Variants in ST18 observed in about 807,000 individuals in gnomAD.
The protein encoded by ST18 is suppression of tumorigenicity 18 protein.
In ST18, 50 loss-of-function variants were observed where a neutral mutation model predicts 110.0. That is an observed-to-expected ratio of 0.45 (90% CI 0.36 to 0.58). The LOEUF (loss-of-function observed/expected upper bound fraction) is 0.58, where lower values mean the gene tolerates loss of function less well. ST18 is among the 20% of genes least tolerant of loss of function. ST18 has a pLI of 0.00. For synonymous variants in ST18, 461 were observed against 452.4 expected, an observed-to-expected ratio of 1.02 and a Z score of -0.24; for missense variants, 1,306 against 1,280.1, an observed-to-expected ratio of 1.02 and a Z score of -0.31.
chr8:52,113,268 C>A lies in ST18; in HGVS notation c.3074G>T (p.Arg1025Leu). The change falls in exon 26 of 26, where the codon CGG (arginine) becomes CTG (leucine). Residue 1025 changes from arginine (R) to leucine (L), a missense_variant. Transcript: ENST00000689386. ...AGCTTTGCATTCCGGGGAATAGTCC[C>A]GTTCCAGATTGCTGTACATATCTGT... ...TLTDMYSNLE[R>L]DYSPECKALL... is the part of the protein sequence containing the mutation. 1 of 1,614,100 alleles carries A rather than the reference C, an allele frequency of 6.2e-7. No homozygotes were observed. The highest frequency in any genetic ancestry group is 8.5e-7 in the Non-Finnish European group (1 of 1,179,962).
In ST18 at chr8:52,314,109, A is replaced by T. The variant is rs534299682; in HGVS notation, c.-464-84032T>A. ...TAGCAGGGCCCACCATTCCTGCCCA[A>T]AATGGGGCCTGAGAGCTTCATGGTG... On this transcript the variant is annotated intron_variant, in intron 2 of 25. Transcript: ENST00000689386. Among the ~76,000 whole-genome samples the T allele has an allele frequency of 5.3e-5, 8 of 152,226 alleles. No homozygotes were observed. In the East Asian group the frequency reaches 1.5e-3, roughly 29 times the overall value.
intron 2 of ST18, among the ~76,000 whole-genome samples, chr8:52,392,041 G>A (rs969026746): frequency 3.9e-5 from 6 of 152,104 alleles, no homozygotes; most frequent in Admixed American, 1.3e-4. Flanking sequence ...GTTTAACCTC[G>A]GAAAGCTACT....
chr8:52,335,952 T>C (rs1195513555), intron 2 of ST18, among the ~76,000 whole-genome samples: 1 of 152,078 alleles, frequency 6.6e-6, no homozygotes, highest in Non-Finnish European at 1.5e-5. Flanking sequence ...AAGTTCAGCC[T>C]CTGTGGCCCC....
Position 52,161,416 on chromosome 8 carries a change from A to T in ST18, c.1553T>A (p.Ile518Lys). The change falls in exon 14 of 26, where the codon ATA (isoleucine) becomes AAA (lysine). Residue 518 changes from isoleucine to lysine, a missense_variant. Transcript: ENST00000689386. The part of the protein sequence containing the change: ...DAQVFGKRPL[I>K]QTVQGRKTPP... ...TGTTTTTCGTCCTTGCACTGTTTGT[A>T]TGAGAGGGCGTTTACCGAAAACTTG... is the stretch of plus-strand genomic sequence containing the variant. 1 of 1,614,202 alleles carries T rather than the reference A, an allele frequency of 6.2e-7. No individual in the cohort carries two copies. Among genetic ancestry groups the T allele is most frequent in the Non-Finnish European group, 8.5e-7 (1 of 1,180,040 alleles).
At chr8:52,365,569 A>G (rs532721974) in intron 2 of ST18, among the ~76,000 whole-genome samples, 13 of 83,462 alleles carry the variant, frequency 1.6e-4, no homozygotes, top group South Asian at 1.2e-3. Context: ...TCTCAGAGCA[A>G]CCAGAAACTA....
chr8:52,208,075 G>T (rs533106255), intron 8 of ST18, among the ~76,000 whole-genome samples: 3 of 152,316 alleles, frequency 2.0e-5, no homozygotes, highest in Non-Finnish European at 2.9e-5. Context: ...GTTATAAATT[G>T]CTTTTTTAAT....
chr8:52,279,420 CAG>C (rs377553083), intron 2 of ST18, among the ~76,000 whole-genome samples: 1 of 152,044 alleles, frequency 6.6e-6, no homozygotes, highest in African/African-American at 2.4e-5. Flanking sequence ...ATTTGGAACA[CAG>C]AGTGAAAAAT....
At chr8:52,381,474 A>C (rs184348443) in intron 2 of ST18, among the ~76,000 whole-genome samples, 1 of 152,296 alleles carries the variant, frequency 6.6e-6, no homozygotes, top group East Asian at 1.9e-4. Flanking sequence ...AGACCTAACA[A>C]ATACTTCATA....
At chr8:52,132,256 C>A in intron 21 of ST18, 77 bp from the exon 22 acceptor site, 1 of 1,266,592 alleles carries the variant, frequency 7.9e-7, no homozygotes, top group Non-Finnish European at 1.1e-6. Flanking sequence ...ACAAACCATG[C>A]AATTATAGAG....
At chr8:52,214,328 A>C in intron 6 of ST18, 71 bp from the exon 7 acceptor site, 1 of 1,516,400 alleles carries the variant, frequency 6.6e-7, no homozygotes, top group East Asian at 2.3e-5. Flanking sequence ...ATGTAATTAG[A>C]AGTTCTGAAG....
chr8:52,345,814 G>A (rs1275414852), intron 2 of ST18, among the ~76,000 whole-genome samples: 1 of 152,154 alleles, frequency 6.6e-6, no homozygotes, highest in Non-Finnish European at 1.5e-5. Context: ...TTACTAGAAA[G>A]CAAAGATTCC....
chr8:52,133,206 A>G (rs529544076), intron 20 of ST18, 33 bp downstream of exon 20: 3 of 1,614,060 alleles, frequency 1.9e-6, no homozygotes, highest in African/African-American at 1.3e-5. Flanking sequence ...CGACAAGCTC[A>G]TTTCCACATC....
intron 10 of ST18, among the ~76,000 whole-genome samples, chr8:52,170,760 T>G (rs906378684): frequency 6.6e-6 from 1 of 152,204 alleles, no homozygotes; most frequent in African/African-American, 2.4e-5. Flanking sequence ...CCTCACTACA[T>G]GACACCGTTT....
At chr8:52,322,251 C>G (rs1422469811) in intron 2 of ST18, among the ~76,000 whole-genome samples, 3 of 152,184 alleles carry the variant, frequency 2.0e-5, no homozygotes, top group Non-Finnish European at 2.9e-5. Flanking sequence ...TCCTACAATT[C>G]TCATTTTTAC....
intron 3 of ST18, among the ~76,000 whole-genome samples, chr8:52,226,914 G>T (rs1425065723): frequency 6.6e-6 from 1 of 152,026 alleles, no homozygotes; most frequent in Non-Finnish European, 1.5e-5. Flanking sequence ...ATCTTTAATA[G>T]GTTCTTTGGA....
chr8:52,168,346 G>A (rs2063686764), intron 10 of ST18, among the ~76,000 whole-genome samples: 2 of 151,336 alleles, frequency 1.3e-5, no homozygotes, highest in African/African-American at 4.9e-5. Flanking sequence ...GCGGAGCCTC[G>A]TGTGCTCCTG....
intron 17 of ST18, 136 bp downstream of exon 17, chr8:52,142,794 G>C (rs113563817): frequency 3.2e-6 from 2 of 631,588 alleles, no homozygotes; most frequent in Non-Finnish European, 5.6e-6. Flanking sequence ...GGTTAGATGC[G>C]TGTTTAACGT....
rs566801089 is a variant in ST18 at position 52,143,268 on chromosome 8, C to A, written c.2053-223G>T. ...TTGGGAAGCCGAGGCAGGCGGATCA[C>A]GAGGTCAAGAGATTGAGACCATCCT... On this transcript the variant is annotated intron_variant, in intron 16 of 25. Transcript: ENST00000689386. 2.0e-5 allele frequency among the ~76,000 whole-genome samples: 3 copies of A among 152,150 alleles called. No individual in the cohort carries two copies. The South Asian group carries it at 6.2e-4, about 32-fold the overall frequency.
At chr8:52,159,988 A>G (rs1368931469) in intron 14 of ST18, among the ~76,000 whole-genome samples, 2 of 152,068 alleles carry the variant, frequency 1.3e-5, no homozygotes, top group Non-Finnish European at 2.9e-5. Context: ...TAAATATTTG[A>G]TTCTTTTCAT....
Sources: gnomAD v4.1 joint callset for allele counts (sites outside exome capture counted in the v4.1 genomes callset) on GRCh38, gnomAD v4.1.1 for gene constraint, MANE v1.5 for transcripts, NCBI Gene and HGNC (gene_info 2026-07-23, HGNC 2026-07-21) for gene names.